The following STXBP3 variants were observed in gnomAD, a reference collection of about 807,000 sequenced individuals.
The protein encoded by STXBP3 is syntaxin binding protein 3, also known as syntaxin-binding protein 3.
Under a neutral mutation model 85.7 loss-of-function variants are expected in STXBP3, and 41 were observed. The observed-to-expected ratio is 0.48, with a 90% CI of 0.37 to 0.62. STXBP3 has a LOEUF of 0.62. STXBP3 is among the 20% of genes least tolerant of loss of function. The pLI is 0.00. For synonymous variants in STXBP3, 229 were observed against 231.7 expected (o/e 0.99, Z 0.10); for missense variants, 563 against 703.1 (o/e 0.80, Z 2.25).
chr1:108,792,675 A>C (rs1162771619), intron 11 of STXBP3, among the ~76,000 whole-genome samples: 1 of 152,020 alleles, frequency 6.6e-6, no homozygotes, highest in African/African-American at 2.4e-5. Context: ...TTCACCTATT[A>C]ATGTTTTATT....
intron 11 of STXBP3, among the ~76,000 whole-genome samples, chr1:108,790,089 TAAATC>T: frequency 6.6e-6 from 1 of 152,304 alleles, no homozygotes; most frequent in East Asian, 1.9e-4. Flanking sequence ...ATGTGTCAGT[TAAATC>T]AAGATGGTTA....
chr1:108,790,689 A>G (rs553589592), intron 11 of STXBP3, among the ~76,000 whole-genome samples: 1 of 151,972 alleles, frequency 6.6e-6, no homozygotes, highest in Non-Finnish European at 1.5e-5. Context: ...CATCTCCAAT[A>G]TAAACATTTG....
At chr1:108,770,457 G>T (rs1039268739) in intron 6 of STXBP3, among the ~76,000 whole-genome samples, 2 of 149,854 alleles carry the variant, frequency 1.3e-5, no homozygotes, top group African/African-American at 4.9e-5. Flanking sequence ...CAGTTCAAGT[G>T]TAGGGTGCTT....
chr1:108,779,275 T>A lies in STXBP3; in HGVS notation c.685-11T>A. The A allele has an allele frequency of 1.2e-6, 2 of 1,606,806 alleles. No homozygotes were observed. The highest frequency in any genetic ancestry group is 1.7e-6 in the Non-Finnish European group (2 of 1,176,546). On this transcript the variant is annotated splice_polypyrimidine_tract_variant and intron_variant, in intron 8 of 18. Transcript: ENST00000370008. ...GAAGCTGCTTAAGATGATTTTATCT[T>A]GTTATTCTAGGGTAAAACTCATTCA...
chr1:108,760,596 A>G (rs1477311032), intron 6 of STXBP3, among the ~76,000 whole-genome samples: 3 of 152,200 alleles, frequency 2.0e-5, no homozygotes, highest in Admixed American at 6.5e-5. Flanking sequence ...TATGTGTCAT[A>G]TACTTTCCTG....
chr1:108,778,207 T>C (rs1439991053), intron 8 of STXBP3, among the ~76,000 whole-genome samples: 1 of 152,194 alleles, frequency 6.6e-6, no homozygotes, highest in African/African-American at 2.4e-5. Context: ...TTACTTGTTA[T>C]ATGTAAATAA....
intron 11 of STXBP3, among the ~76,000 whole-genome samples, chr1:108,785,246 C>T (rs535926385): frequency 7.9e-5 from 12 of 152,308 alleles, no homozygotes; most frequent in South Asian, 2.1e-4. Flanking sequence ...CAGCGAACTC[C>T]GGCCTGGACA....
In STXBP3 at chr1:108,756,675, C is replaced by A; in HGVS notation, c.182-15C>A. The A allele has an allele frequency of 6.7e-7, 1 of 1,498,918 alleles. No homozygotes were observed. The highest frequency in any genetic ancestry group is 2.0e-5 in the Admixed American group (1 of 50,134). 92.9% of individuals were successfully genotyped at this position (1,498,918 alleles called of 1,614,324 possible). On this transcript the variant is annotated splice_polypyrimidine_tract_variant and intron_variant, in intron 3 of 18. Transcript: ENST00000370008. ...TAAATATTTGGTTATATAAAATGAC[C>A]TTTTTTCTTGTTAGTTGTAGAGAAT... is the stretch of plus-strand genomic sequence containing the variant.
chr1:108,777,064 G>A (rs1247753029), intron 8 of STXBP3, among the ~76,000 whole-genome samples: 1 of 152,152 alleles, frequency 6.6e-6, no homozygotes, highest in Non-Finnish European at 1.5e-5. Context: ...TTACATGTGG[G>A]TGAGAGAATG....
At position 108,798,162 on chromosome 1, in the gene STXBP3, G is replaced by C; in HGVS notation, c.1374G>C (p.Pro458=). 6.2e-7 allele frequency: 1 copy of C among 1,610,360 alleles called. No homozygotes were observed. The highest frequency in any genetic ancestry group is 2.2e-5 in the East Asian group (1 of 44,688). Residue 458 remains proline, a synonymous_variant, in exon 16 of 19, where the codon CCG becomes CCC. Coordinates refer to ENST00000370008, the MANE Select transcript of STXBP3 (RefSeq NM_007269.4). Reference sequence around the variant, plus strand: ...TGTATTAGTCTCAACAAGGCAAACCGTTAAGAAAGGATCGGTCTGCAGAAG... The same window carrying C: ...TGTATTAGTCTCAACAAGGCAAACCCTTAAGAAAGGATCGGTCTGCAGAAG... ...PIVPQSQQGK[P]LRKDRSAEET...
At position 108,771,452 on chromosome 1, in the gene STXBP3, C is replaced by CTATATATATA. The variant is rs1557805497; in HGVS notation, c.439-1213_439-1212insTATATATATA. On this transcript the variant is annotated intron_variant, in intron 6 of 18. Transcript: ENST00000370008. The stretch of plus-strand genomic sequence containing the variant: ...ATATATGATATATATCTATATATAT[C>CTATATATATA]ATATATAAATATATATGATATATAT... Among the ~76,000 whole-genome samples the CTATATATATA allele has an allele frequency of 7.7e-4, 7 of 9,122 alleles. 2 individuals are homozygous for CTATATATATA. Among genetic ancestry groups the CTATATATATA allele is most frequent in the East Asian group, 5.8e-3 (3 of 514 alleles). The allele number at this position is 9,122 out of a possible 152,430, so 6.0% of individuals were successfully genotyped here.
intron 4 of STXBP3, chr1:108,757,111 C>T (rs987920901): frequency 4.3e-5 from 7 of 163,820 alleles, no homozygotes; most frequent in South Asian, 1.8e-4. Context: ...TCTTGGATTA[C>T]TTCTTTATCT....
chr1:108,772,428 CATATGATATCTATCTGTATAAT>C (rs1427711896), intron 6 of STXBP3, among the ~76,000 whole-genome samples: 2 of 132,224 alleles, frequency 1.5e-5, no homozygotes, highest in African/African-American at 5.7e-5. Context: ...TATATAAATA[CATATGATATCTATCTGTATAAT>C]ATATAAATAC....
intron 13 of STXBP3, 96 bp from the exon 14 acceptor site, chr1:108,796,138 C>T (rs1011363330): frequency 3.0e-6 from 4 of 1,329,260 alleles, no homozygotes; most frequent in Middle Eastern, 2.2e-4. Flanking sequence ...GCTGGGATTA[C>T]AGGCGTGAGC....
rs756020097 is a variant in STXBP3 at position 108,809,454 on chromosome 1, A to G, written c.*577A>G. The G allele has an allele frequency of 9.2e-5, 14 of 152,474 alleles. No homozygotes were observed. Among genetic ancestry groups the G allele is most frequent in the Non-Finnish European group, 1.8e-4 (12 of 68,014 alleles). 9.4% of individuals were successfully genotyped at this position (152,474 alleles called of 1,614,324 possible). ...CACAATTTTATATAATTTTGAAATC[A>G]TGTATGTTTAAATTAGAAAACCAAA... On this transcript the variant is annotated 3_prime_UTR_variant, in exon 19 of 19. Transcript: ENST00000370008.
At chr1:108,807,257 C>CAAAAAAAA (rs201346701) in intron 17 of STXBP3, 144 bp from the exon 18 acceptor site, 13 of 699,684 alleles carry the variant, frequency 1.9e-5, no homozygotes, top group Non-Finnish European at 2.4e-5. Context: ...GACTCCACCT[C>CAAAAAAAA]AAAAAAAAAA....
At chr1:108,772,882 A>C in intron 7 of STXBP3, 63 bp downstream of exon 7, 1 of 1,401,354 alleles carries the variant, frequency 7.1e-7, no homozygotes, top group Non-Finnish European at 9.4e-7. Context: ...AGAGGTAAGT[A>C]ATGTGTCTGT....
intron 11 of STXBP3, among the ~76,000 whole-genome samples, chr1:108,787,992 A>G (rs1404925119): frequency 2.0e-5 from 3 of 151,950 alleles, no homozygotes; most frequent in Non-Finnish European, 4.4e-5. Flanking sequence ...GAATTTCACC[A>G]TATTGCTCAG....
At chr1:108,778,600 T>A (rs1039508953) in intron 8 of STXBP3, among the ~76,000 whole-genome samples, 7 of 152,194 alleles carry the variant, frequency 4.6e-5, no homozygotes, top group Non-Finnish European at 1.5e-5. Flanking sequence ...CTCACAGGAT[T>A]ACTAAAAGAA....
Sources: gnomAD v4.1 joint callset for allele counts (sites outside exome capture counted in the v4.1 genomes callset) on GRCh38, gnomAD v4.1.1 for gene constraint, MANE v1.5 for transcripts, NCBI Gene and HGNC (gene_info 2026-07-23, HGNC 2026-07-21) for gene names.